The following TDRD1 variants were observed in gnomAD, a reference collection of about 807,000 sequenced individuals.
The protein encoded by TDRD1 is tudor domain-containing protein 1.
In TDRD1, 37 loss-of-function variants were observed where a neutral mutation model predicts 140.6. The ratio of observed to expected loss-of-function variants is 0.26; its 90% CI spans 0.20 to 0.35. The LOEUF (loss-of-function observed/expected upper bound fraction) is 0.35, where lower values mean the gene tolerates loss of function less well. Among genes scored for constraint, TDRD1 ranks in the 10% least tolerant of loss-of-function variants. The probability of loss-of-function intolerance (pLI) is 1.00; values close to 1 mark genes in which losing one functional copy is unlikely to be tolerated. For synonymous variants in TDRD1, 506 were observed against 475.7 expected (o/e 1.06, Z -0.83); for missense variants, 1,243 against 1,393.0 (o/e 0.89, Z 1.71).
chr10:114,178,753 C>G (rs1027944242), upstream of TDRD1, among the ~76,000 whole-genome samples: 3 of 151,568 alleles, frequency 2.0e-5, no homozygotes, highest in South Asian at 4.2e-4. Context: ...AAACATTGCC[C>G]GAAGAGTGCC....
rs2035091252 is a variant in TDRD1, at chr10:114,206,236, C to T, written c.1298-8C>T. On this transcript the variant is annotated splice_region_variant and splice_polypyrimidine_tract_variant and intron_variant, in intron 10 of 25. Transcript: ENST00000251864. Reference sequence around the variant, plus strand: ...CAATGGAGGCATATTTTCTTAATCACTTTTTAGGAAAACTTTTAGACCATG... The same window carrying T: ...CAATGGAGGCATATTTTCTTAATCATTTTTTAGGAAAACTTTTAGACCATG... The T allele has an allele frequency of 1.2e-6, 2 of 1,609,054 alleles. No individual in the cohort carries two copies. Among genetic ancestry groups the T allele is most frequent in the Non-Finnish European group, 8.5e-7 (1 of 1,176,810 alleles).
chr10:114,191,330 G>A lies in TDRD1; in HGVS notation c.384+311G>A, dbSNP rs550063109. Among the ~76,000 whole-genome samples the A allele has an allele frequency of 7.2e-5, 11 of 152,144 alleles. No homozygotes were observed. The South Asian group carries it at 2.1e-3, about 29-fold the overall frequency. On this transcript the variant is annotated intron_variant, in intron 3 of 25. Transcript: ENST00000251864. ...TACGGAACATTTCCATCACTACAAG[G>A]GTCCCTTATATACCTTGTTGCTTAT...
chr10:114,220,665 C>T (rs1289425089), exon 19 of TDRD1: 13 of 1,613,628 alleles, frequency 8.1e-6, no homozygotes, highest in Non-Finnish European at 1.1e-5. Flanking sequence ...TGGTTGAAGT[C>T]ACTGAAAATG....
chr10:114,211,729 T>G, intron 13 of TDRD1, 137 bp from the exon 14 acceptor site: 1 of 829,468 alleles, frequency 1.2e-6, no homozygotes, highest in East Asian at 3.1e-5. Flanking sequence ...TAAGCAAAAT[T>G]AGTAAACATT....
At chr10:114,214,211 T>C (rs2035665580) in intron 16 of TDRD1, 97 bp downstream of exon 16, 4 of 1,065,760 alleles carry the variant, frequency 3.8e-6, no homozygotes, top group Non-Finnish European at 5.5e-6. Flanking sequence ...AGTACCTCTT[T>C]CCAAGAAGAG....
exon 26 of TDRD1, chr10:114,231,945 A>T (rs900527869): frequency 2.0e-5 from 3 of 148,382 alleles, no homozygotes; most frequent in African/African-American, 5.5e-5. Context: ...TTGTCTTAAA[A>T]AAAAAAAAAA....
chr10:114,221,615 G>C (rs551682944), intron 20 of TDRD1, 139 bp downstream of exon 20: 1 of 818,080 alleles, frequency 1.2e-6, no homozygotes, highest in South Asian at 1.8e-5. Context: ...AACACTTAAG[G>C]CAAATTTAGT....
chr10:114,213,731 A>T (rs2035635353), intron 15 of TDRD1, 143 bp downstream of exon 15: 1 of 875,008 alleles, frequency 1.1e-6, no homozygotes. Flanking sequence ...TACTTGTAAG[A>T]ATGTTTGAAA....
intron 6 of TDRD1, among the ~76,000 whole-genome samples, chr10:114,202,562 T>G (rs2034825133): frequency 6.6e-6 from 1 of 152,242 alleles, no homozygotes; most frequent in Admixed American, 6.5e-5. Context: ...CTTTATGTGC[T>G]GTACTCTAAT....
intron 16 of TDRD1, 90 bp from the exon 17 acceptor site, chr10:114,217,455 T>TA: frequency 1.5e-6 from 1 of 670,302 alleles, no homozygotes; most frequent in Non-Finnish European, 2.5e-6. Flanking sequence ...GTCTTGATCA[T>TA]AAAAATCACG....
chr10:114,213,302 T>C (rs1454302902), intron 14 of TDRD1, 44 bp from the exon 15 acceptor site: 3 of 1,567,358 alleles, frequency 1.9e-6, no homozygotes, highest in East Asian at 2.3e-5. Context: ...AATTTCTAAA[T>C]GCTTTCAGAA....
chr10:114,227,774 C>A, intron 23 of TDRD1, 136 bp from the exon 24 acceptor site: 1 of 664,124 alleles, frequency 1.5e-6, no homozygotes, highest in East Asian at 2.6e-5. Context: ...ATCTCAAAGC[C>A]CAAATGGATC....
intron 21 of TDRD1, among the ~76,000 whole-genome samples, chr10:114,223,559 T>A (rs1259718914): frequency 6.6e-6 from 1 of 152,234 alleles, no homozygotes; most frequent in Non-Finnish European, 1.5e-5. Flanking sequence ...TTCATGGTCT[T>A]GCAGATATTG....
In TDRD1 at chr10:114,188,116, A is replaced by G. The variant is rs1345771274; in HGVS notation, c.285A>G (p.Glu95=). 4 of 1,606,030 alleles carry G rather than the reference A, an allele frequency of 2.5e-6. No individual in the cohort carries two copies. In the African/African-American group the frequency reaches 4.0e-5, roughly 16 times the overall value. Residue 95 remains glutamate, a synonymous_variant, in exon 2 of 26, where the codon GAA becomes GAG. Transcript: ENST00000251864. Reference sequence around the variant, plus strand: ...CAAACCCGAATGGCATCAACGGAGAAGTAGTTGGCTCCAAAGGAGACAGGA... The same window carrying G: ...CAAACCCGAATGGCATCAACGGAGAGGTAGTTGGCTCCAAAGGAGACAGGA...
intron 25 of TDRD1, among the ~76,000 whole-genome samples, chr10:114,229,581 C>G (rs1352584892): frequency 7.6e-6 from 1 of 131,678 alleles, no homozygotes; most frequent in Non-Finnish European, 1.6e-5. Flanking sequence ...CGGAGTCTTG[C>G]TCTGTCACCC....
chr10:114,201,499 A>G lies in TDRD1; in HGVS notation c.619A>G (p.Arg207Gly), dbSNP rs2034737069. The change falls in exon 5 of 26, where the codon AGG (arginine) becomes GGG (glycine). Residue 207 changes from arginine (R) to glycine (G), a missense_variant. Physicochemically the swap from Arg to Gly is moderately radical, Grantham distance 125. This residue lies in a region of TDRD1 where 11 missense variants were observed against 30.6 expected (regional missense o/e 0.36). Transcript: ENST00000251864. ...CTGGTCTGCACACAGCATCGTGTGC[A>G]GGCCTGTTCAGCCAAAGTAAGGATT... 6.2e-7 allele frequency: 1 copy of G among 1,613,342 alleles called. No individual in the cohort carries two copies. Among genetic ancestry groups the G allele is most frequent in the Admixed American group, 1.7e-5 (1 of 59,946 alleles).
chr10:114,210,089 T>A (rs957525920), intron 11 of TDRD1, among the ~76,000 whole-genome samples: 2 of 152,236 alleles, frequency 1.3e-5, no homozygotes, highest in African/African-American at 4.8e-5. Context: ...TATTTTTCTC[T>A]TGACTTGTGA....
chr10:114,185,050 C>T lies in TDRD1; in HGVS notation c.-6-2776C>T, dbSNP rs530703334. The stretch of plus-strand genomic sequence containing the variant: ...TACAGTCTTTACTATCGCCTGTTTT[C>T]TGAGTAGTAGTTGTCTAAGATAGAT... On this transcript the variant is annotated intron_variant, in intron 1 of 25. Transcript: ENST00000251864. Among the ~76,000 whole-genome samples the T allele has an allele frequency of 3.9e-5, 6 of 152,264 alleles. No individual in the cohort carries two copies. In the South Asian group the frequency reaches 1.2e-3, roughly 32 times the overall value.
At chr10:114,191,543 G>A (rs1019379674) in intron 3 of TDRD1, among the ~76,000 whole-genome samples, 3 of 152,148 alleles carry the variant, frequency 2.0e-5, no homozygotes, top group Admixed American at 6.5e-5. Context: ...ATTGATCTAG[G>A]TTGTATGCAT....
Sources: allele counts gnomAD v4.1 joint callset (sites outside exome capture counted in the v4.1 genomes callset), GRCh38; gene constraint gnomAD v4.1.1; regional missense constraint gnomAD v4.1.1; transcripts MANE v1.5; gene names NCBI Gene and HGNC (gene_info 2026-07-23, HGNC 2026-07-21).